Variants in MED15 observed in about 807,000 individuals in gnomAD.
MED15 encodes mediator of RNA polymerase II transcription subunit 15.
A neutral mutation model predicts 118.7 loss-of-function variants in MED15; 41 were observed. The observed-to-expected ratio is 0.35, with a 90% CI of 0.27 to 0.45. The LOEUF (loss-of-function observed/expected upper bound fraction) is 0.45. MED15 is among the 20% of genes least tolerant of loss of function. The pLI is 1.00. For synonymous variants in MED15, 436 were observed against 413.9 expected (o/e 1.05, Z -0.65); for missense variants, 740 against 1,025.5 (o/e 0.72, Z 3.80).
rs1187135948 is a variant in MED15, at chr22:20,507,674, C to T, written c.-5C>T. The T allele has an allele frequency of 6.2e-7, 1 of 1,614,028 alleles. No individual in the cohort carries two copies. The highest frequency in any genetic ancestry group is 1.1e-5 in the South Asian group (1 of 91,090). ...GATACGGGCGGCGGGAGCTGGGGAA[C>T]AGGCATGGACGTTTCCGGGCAAGAG... On this transcript the variant is annotated 5_prime_UTR_variant, in exon 1 of 18. Coordinates refer to ENST00000263205, the MANE Select transcript of MED15 (RefSeq NM_001003891.3).
intron 1 of MED15, among the ~76,000 whole-genome samples, chr22:20,514,990 G>A (rs2054200068): frequency 6.6e-6 from 1 of 152,212 alleles, no homozygotes; most frequent in Non-Finnish European, 1.5e-5. Context: ...CCTATTGCTA[G>A]AATGTCCATT....
intron 17 of MED15, 45 bp from the exon 18 acceptor site, chr22:20,586,517 AGCGAGC>A (rs757412106): frequency 3.1e-6 from 5 of 1,593,120 alleles, no homozygotes; most frequent in Middle Eastern, 1.7e-4. Context: ...GTGTGCCAGG[AGCGAGC>A]GCAGCGCCGG....
intron 1 of MED15, among the ~76,000 whole-genome samples, chr22:20,511,643 A>AT (rs537696108): frequency 1.9e-3 from 289 of 150,444 alleles, no homozygotes; most frequent in Middle Eastern, 6.9e-3. Flanking sequence ...AGAAAAAGGG[A>AT]TTTTGAGTTG....
intron 2 of MED15, among the ~76,000 whole-genome samples, chr22:20,539,755 T>G (rs2055217908): frequency 6.6e-6 from 1 of 151,054 alleles, no homozygotes; most frequent in African/African-American, 2.5e-5. Flanking sequence ...TTATTGTCTA[T>G]TTTAATTGTA....
chr22:20,553,478 G>A (rs1241300490), intron 4 of MED15, among the ~76,000 whole-genome samples: 1 of 152,202 alleles, frequency 6.6e-6, no homozygotes, highest in African/African-American at 2.4e-5. Context: ...TGAGCTCTCT[G>A]GTAGAGAATT....
intron 1 of MED15, among the ~76,000 whole-genome samples, chr22:20,514,804 G>T (rs995443915): frequency 3.3e-5 from 5 of 152,188 alleles, no homozygotes; most frequent in African/African-American, 1.2e-4. Flanking sequence ...TCTGCCTGTG[G>T]GTCATGGTCG....
Position 20,586,601 on chromosome 22 carries a change from G to T in MED15, c.2264G>T (p.Cys755Phe). The change falls in exon 18 of 18, where the codon TGC becomes TTC. Residue 755 changes from cysteine to phenylalanine, a missense_variant. Physicochemically the swap from Cys to Phe is radical, Grantham distance 205. Around this residue, in one of 7 missense-constraint regions of MED15, gnomAD observed 179 missense variants for 259.0 expected, o/e 0.69. Coordinates refer to ENST00000263205, the MANE Select transcript of MED15 (RefSeq NM_001003891.3). ...CCCTTCCTCCAGTCGGTGCACCGCT[G>T]CATGACCTCCAGGCTGCTGCAGCTC... is the stretch of plus-strand genomic sequence containing the variant. ...ANPFLQSVHR[C>F]MTSRLLQLPD... 1 of 1,612,996 alleles carries T rather than the reference G, an allele frequency of 6.2e-7. No homozygotes were observed. The highest frequency in any genetic ancestry group is 8.5e-7 in the Non-Finnish European group (1 of 1,179,956).
At chr22:20,535,474 G>A (rs6001624) in intron 1 of MED15, among the ~76,000 whole-genome samples, 128 of 152,226 alleles carry the variant, frequency 8.4e-4, no homozygotes, top group African/African-American at 2.8e-3. Context: ...TTTCTAGCAC[G>A]AGCTGGACTG....
At chr22:20,526,511 A>G (rs2054651515) in intron 1 of MED15, among the ~76,000 whole-genome samples, 1 of 152,200 alleles carries the variant, frequency 6.6e-6, no homozygotes, top group Non-Finnish European at 1.5e-5. Context: ...TGCCTACACA[A>G]ATGATATTCA....
intron 9 of MED15, among the ~76,000 whole-genome samples, chr22:20,578,032 C>T (rs1351857294): frequency 1.3e-5 from 2 of 152,194 alleles, no homozygotes; most frequent in Non-Finnish European, 2.9e-5. Context: ...TCAAGCGATT[C>T]TCCTGCCTCA....
intron 2 of MED15, among the ~76,000 whole-genome samples, chr22:20,550,718 G>A (rs962143244): frequency 9.2e-5 from 14 of 152,276 alleles, no homozygotes; most frequent in African/African-American, 3.4e-4. Context: ...ACTCACAGTA[G>A]TGATTTCCCT....
chr22:20,563,654 C>T (rs1310264018), intron 5 of MED15, among the ~76,000 whole-genome samples: 1 of 152,138 alleles, frequency 6.6e-6, no homozygotes, highest in Non-Finnish European at 1.5e-5. Flanking sequence ...CACAAGTGAG[C>T]ACACATCGTG....
chr22:20,552,450 G>T (rs1441570514), intron 3 of MED15: 1 of 349,356 alleles, frequency 2.9e-6, no homozygotes, highest in Non-Finnish European at 5.9e-6. Flanking sequence ...TGTGGTGTTG[G>T]AAAGTCACTG....
intron 1 of MED15, among the ~76,000 whole-genome samples, chr22:20,514,861 G>A (rs1762874618): frequency 6.6e-6 from 1 of 152,242 alleles, no homozygotes; most frequent in Non-Finnish European, 1.5e-5. Flanking sequence ...AGCTTTTTCT[G>A]TGGCTTTTCC....
intron 1 of MED15, among the ~76,000 whole-genome samples, chr22:20,526,998 G>A (rs1295858186): frequency 6.6e-6 from 1 of 152,310 alleles, no homozygotes; most frequent in South Asian, 2.1e-4. Context: ...TAGGCCCCCT[G>A]GTGGGACATG....
At position 20,507,895 on chromosome 22, in the gene MED15, C is replaced by G. The variant is rs973649565; in HGVS notation, c.68+149C>G. ...CGTGGGTCCCAGGGCTCGGGCCCCC[C>G]CGTCTGTCCCCTCCGTTCCCGACAT... is the stretch of plus-strand genomic sequence containing the variant. On this transcript the variant is annotated intron_variant, in intron 1 of 17. Coordinates refer to ENST00000263205, the MANE Select transcript of MED15 (RefSeq NM_001003891.3). 56 of 1,474,040 alleles carry G rather than the reference C, an allele frequency of 3.8e-5. 1 individual carries two copies. In the Admixed American group the frequency reaches 1.1e-3, roughly 30 times the overall value. The allele number at this position is 1,474,040 out of a possible 1,614,324, so 91.3% of individuals were successfully genotyped here.
chr22:20,530,665 G>A (rs1273112022), intron 1 of MED15, among the ~76,000 whole-genome samples: 2 of 152,188 alleles, frequency 1.3e-5, no homozygotes, highest in Admixed American at 6.5e-5. Flanking sequence ...GGGCGGTTGT[G>A]GAAGGAAGAG....
intron 9 of MED15, among the ~76,000 whole-genome samples, chr22:20,575,937 G>C (rs1230918641): frequency 1.3e-5 from 2 of 152,140 alleles, no homozygotes; most frequent in Admixed American, 1.3e-4. Flanking sequence ...GTGGTATTGG[G>C]CCATGCTGTT....
intron 14 of MED15, 43 bp downstream of exon 14, chr22:20,584,468 C>T (rs1227389589): frequency 1.3e-6 from 2 of 1,599,510 alleles, no homozygotes; most frequent in Admixed American, 1.7e-5. Context: ...CAGGGCTCTC[C>T]TAAGAGCTCC....
Sources: gnomAD v4.1 joint callset for allele counts (sites outside exome capture counted in the v4.1 genomes callset) on GRCh38, gnomAD v4.1.1 for gene constraint, gnomAD v4.1.1 regional missense constraint, MANE v1.5 for transcripts, NCBI Gene and HGNC (gene_info 2026-07-23, HGNC 2026-07-21) for gene names.